BLTP3B: variants seen among roughly 807,000 people sequenced by gnomAD.
BLTP3B encodes UHRF1 (ICBP90) binding protein 1-like.
At chr12:100,046,567 G>A in the BLTP3B span, among the ~76,000 whole-genome samples, 32 of 150,492 alleles carry the variant, frequency 2.1e-4, no homozygotes, top group African/African-American at 2.7e-4. Flanking sequence ...CATATACCAG[G>A]GCCTGTTGGG....
At chr12:100,124,936 T>TTA in the BLTP3B span, among the ~76,000 whole-genome samples, 2,376 of 55,856 alleles carry the variant, frequency 0.043, 55 homozygotes, top group Admixed American at 0.066. Context: ...AAAAAAAATT[T>TTA]TATATATATA....
At chr12:100,080,185 C>A in the BLTP3B span, among the ~76,000 whole-genome samples, 6 of 152,184 alleles carry the variant, frequency 3.9e-5, no homozygotes, top group African/African-American at 1.4e-4. Flanking sequence ...AAGAAGGCCA[C>A]CGTCCTCCTG....
the BLTP3B span, chr12:100,128,497 A>G: frequency 9.8e-7 from 1 of 1,018,362 alleles, no homozygotes; most frequent in East Asian, 6.6e-5. Context: ...AAATATTCTC[A>G]AAGTATCTTT....
the BLTP3B span, among the ~76,000 whole-genome samples, chr12:100,121,434 CAGA>C: frequency 1.3e-5 from 2 of 150,898 alleles, no homozygotes; most frequent in African/African-American, 4.9e-5. Context: ...AGGAATGAGG[CAGA>C]AGGAGAGAGA....
chr12:100,088,847 TAAAC>T, the BLTP3B span: 5 of 1,267,896 alleles, frequency 3.9e-6, no homozygotes, highest in Middle Eastern at 2.8e-4. Flanking sequence ...ACAGATTTAA[TAAAC>T]AATCCAGTTT....
chr12:100,059,566 T>C, the BLTP3B span: 3 of 1,538,516 alleles, frequency 1.9e-6, no homozygotes, highest in South Asian at 3.9e-5. Flanking sequence ...CTCATCCAAC[T>C]GGCAAATCCA....
the BLTP3B span, among the ~76,000 whole-genome samples, chr12:100,041,022 C>T: frequency 6.6e-6 from 1 of 152,172 alleles, no homozygotes; most frequent in Non-Finnish European, 1.5e-5. Flanking sequence ...CACAAGAACA[C>T]TAAGACCAAT....
At chr12:100,085,856 TATTCTTAGCTTCATACTCTTTTC>T in the BLTP3B span, among the ~76,000 whole-genome samples, 1 of 152,100 alleles carries the variant, frequency 6.6e-6, no homozygotes, top group Non-Finnish European at 1.5e-5. Flanking sequence ...AACATACTCT[TATTCTTAGCTTCATACTCTTTTC>T]ATTCCTAGCT....
the BLTP3B span, chr12:100,108,530 A>G: frequency 6.2e-7 from 1 of 1,607,112 alleles, no homozygotes; most frequent in Non-Finnish European, 8.5e-7. Flanking sequence ...TCTTGTCAGG[A>G]GATAAATTTT....
chr12:100,108,012 G>T, the BLTP3B span, among the ~76,000 whole-genome samples: 1 of 152,136 alleles, frequency 6.6e-6, no homozygotes, highest in Non-Finnish European at 1.5e-5. Context: ...AAAGTGCTGG[G>T]ATTACAGGTG....
the BLTP3B span, among the ~76,000 whole-genome samples, chr12:100,040,234 T>C: frequency 6.6e-6 from 1 of 152,264 alleles, no homozygotes; most frequent in East Asian, 1.9e-4. Context: ...AGTATGTCAA[T>C]AATTAGATAA....
the BLTP3B span, among the ~76,000 whole-genome samples, chr12:100,087,158 CAAAA>C: frequency 6.7e-5 from 4 of 59,888 alleles, no homozygotes; most frequent in African/African-American, 1.3e-4. Flanking sequence ...GACTCCATCT[CAAAA>C]AAAAAAAAAA....
At chr12:100,114,388 G>C in the BLTP3B span, among the ~76,000 whole-genome samples, 78 of 152,254 alleles carry the variant, frequency 5.1e-4, no homozygotes, top group African/African-American at 1.8e-3. Context: ...ACAACGTTTA[G>C]AACTGAAAGG....
chr12:100,118,887 C>A, the BLTP3B span, among the ~76,000 whole-genome samples: 1 of 152,036 alleles, frequency 6.6e-6, no homozygotes, highest in African/African-American at 2.4e-5. Context: ...CAGATCACAA[C>A]GTCAGGAGTT....
At chr12:100,057,703 A>G in the BLTP3B span, 6 of 1,612,134 alleles carry the variant, frequency 3.7e-6, no homozygotes, top group Non-Finnish European at 5.1e-6. Context: ...TAAGAAACAC[A>G]GAGAGGAGCC....
At chr12:100,142,754 C>T in the BLTP3B span, 5 of 1,438,776 alleles carry the variant, frequency 3.5e-6, no homozygotes, top group Non-Finnish European at 4.6e-6. Context: ...TCGCTCACGA[C>T]CGGGAGAGAC....
chr12:100,044,425 A>C, the BLTP3B span, among the ~76,000 whole-genome samples: 4 of 152,176 alleles, frequency 2.6e-5, no homozygotes, highest in East Asian at 5.8e-4. Context: ...TAGGAGATGA[A>C]ACAGATGCAC....
the BLTP3B span, among the ~76,000 whole-genome samples, chr12:100,063,011 T>C: frequency 6.6e-6 from 1 of 150,752 alleles, no homozygotes; most frequent in South Asian, 2.1e-4. Context: ...TCATAAATAC[T>C]GGAAACTACT....
the BLTP3B span, among the ~76,000 whole-genome samples, chr12:100,131,042 T>G: frequency 8.7e-6 from 1 of 115,456 alleles, no homozygotes; most frequent in Admixed American, 9.4e-5. Flanking sequence ...AGAAAGAGTT[T>G]TTTGCCATAT....
Sources: gnomAD v4.1 joint callset for allele counts (sites outside exome capture counted in the v4.1 genomes callset) on GRCh38, gnomAD v4.1.1 for gene constraint, MANE v1.5 for transcripts, NCBI Gene and HGNC (gene_info 2026-07-23, HGNC 2026-07-21) for gene names.